PIK3R2: variants seen among roughly 807,000 people sequenced by gnomAD.
PIK3R2 encodes the protein phosphoinositide-3-kinase regulatory subunit 2.
A neutral mutation model predicts 78.5 loss-of-function variants in PIK3R2; 40 were observed. The ratio of observed to expected loss-of-function variants is 0.51; its 90% CI spans 0.40 to 0.66. The LOEUF (loss-of-function observed/expected upper bound fraction) is 0.66. PIK3R2 is among the 30% of genes least tolerant of loss of function. The pLI is 0.00. For synonymous variants in PIK3R2, 473 were observed against 457.7 expected (o/e 1.03, Z -0.43); for missense variants, 880 against 1,026.6 (o/e 0.86, Z 1.95).
rs2300056 is a variant in PIK3R2, at chr19:18,157,272, T to C, written c.322+1071T>C. On this transcript the variant is annotated intron_variant, in intron 2 of 15. Transcript: ENST00000222254. ...TGCCTCGGCCTGAAGGAGCAGGAGG[T>C]GGCCCCGTCTGGGCTCCCAGCCAGA... Among the ~76,000 whole-genome samples, 324 of 152,054 alleles carry C rather than the reference T, an allele frequency of 2.1e-3. 4 individuals are homozygous for C. The East Asian group carries it at 0.023, about 11-fold the overall frequency.
At position 18,169,549 on chromosome 19, in the gene PIK3R2, A is replaced by G. The variant is rs1967131191; in HGVS notation, c.*255A>G. 1 of 321,020 alleles carries G rather than the reference A, an allele frequency of 3.1e-6. No homozygotes were observed. Among genetic ancestry groups the G allele is most frequent in the Non-Finnish European group, 5.7e-6 (1 of 174,784 alleles). 19.9% of individuals were successfully genotyped at this position (321,020 alleles called of 1,614,324 possible). On this transcript the variant is annotated 3_prime_UTR_variant, in exon 16 of 16. Transcript: ENST00000222254. ...TTGGGGGTCCTAACTCCCCCACCCC[A>G]TATCTACGTGTCCTCCGGGCATTGC...
Position 18,156,018 on chromosome 19 carries a change from G to A in PIK3R2, c.139G>A (p.Gly47Ser), listed in dbSNP as rs754393196. 15 of 1,558,384 alleles carry A rather than the reference G, an allele frequency of 9.6e-6. No individual in the cohort carries two copies. In the South Asian group the frequency reaches 1.7e-4, roughly 17 times the overall value. ...GCAGGCGCTGGGCGTGGCCGAGGGTGGCGAGCGCTGCCCACAGAGCGTGGG... is the reference window on the plus strand; with the variant it reads ...GCAGGCGCTGGGCGTGGCCGAGGGTAGCGAGCGCTGCCCACAGAGCGTGGG... ...ALQALGVAEG[G>S]ERCPQSVGWM... Residue 47 changes from glycine (G) to serine (S), a missense_variant, in exon 2 of 16, where the codon GGC becomes AGC. By Grantham distance (56) the Gly-to-Ser change is moderately conservative (BLOSUM62 0). Transcript: ENST00000222254. This position sits in a 1 kb window ranked among gnomAD's most constrained non-coding sequence, Gnocchi z 4.2.
rs764920291 is a variant in PIK3R2, at chr19:18,167,084, C to A, written c.1560-46C>A. On this transcript the variant is annotated intron_variant, in intron 12 of 15. Transcript: ENST00000222254. The surrounding 1 kb of genome is among the most constrained non-coding windows in gnomAD (Gnocchi z 4.5). ...CCAGGAGTTTGAGGGTGCAGTGAGC[C>A]GAGATAAAACCCTGAGGTCTCTGCG... The A allele has an allele frequency of 1.4e-6, 2 of 1,470,192 alleles. No individual in the cohort carries two copies. The highest frequency in any genetic ancestry group is 1.8e-6 in the Non-Finnish European group (2 of 1,105,080). The allele number at this position is 1,470,192 out of a possible 1,614,324, so 91.1% of individuals were successfully genotyped here.
intron 2 of PIK3R2, among the ~76,000 whole-genome samples, chr19:18,157,348 G>A (rs537138130): frequency 6.6e-6 from 1 of 152,246 alleles, no homozygotes; most frequent in Non-Finnish European, 1.5e-5. Flanking sequence ...CCTGGCCTCT[G>A]TCCAGCCACC....
chr19:18,157,791 C>T (rs991479151), intron 2 of PIK3R2, among the ~76,000 whole-genome samples: 6 of 140,836 alleles, frequency 4.3e-5, no homozygotes, highest in Admixed American at 7.6e-5. Flanking sequence ...CAGCTTGAGG[C>T]GCCACCTGGC....
intron 11 of PIK3R2, among the ~76,000 whole-genome samples, chr19:18,165,212 A>C (rs1390639949): frequency 1.0e-5 from 1 of 97,270 alleles, no homozygotes; most frequent in East Asian, 4.6e-4. Flanking sequence ...TACTAAAAAT[A>C]CAAAAAATTA....
At chr19:18,153,788 G>A (rs903685233) in intron 1 of PIK3R2, among the ~76,000 whole-genome samples, 4 of 152,160 alleles carry the variant, frequency 2.6e-5, no homozygotes, top group Non-Finnish European at 5.9e-5. Context: ...TCCCGGATTC[G>A]GGGAGCGCTG....
chr19:18,162,131 G>T, intron 7 of PIK3R2, 71 bp from the exon 8 acceptor site: 1 of 1,489,040 alleles, frequency 6.7e-7, no homozygotes. Flanking sequence ...GCATCAGCAG[G>T]CTGGTTGCAG....
At position 18,155,535 on chromosome 19, in the gene PIK3R2, C is replaced by T. The variant is rs987476751; in HGVS notation, c.-345C>T. 20 of 444,842 alleles carry T rather than the reference C, an allele frequency of 4.5e-5. No individual in the cohort carries two copies. The highest frequency in any genetic ancestry group is 4.1e-4 in the African/African-American group (20 of 48,844). 27.6% of individuals were successfully genotyped at this position (444,842 alleles called of 1,614,324 possible). On this transcript the variant is annotated 5_prime_UTR_variant, in exon 2 of 16. The change creates a premature stop within an existing upstream ORF in the 5' untranslated region. Coordinates refer to ENST00000222254, the MANE Select transcript of PIK3R2 (RefSeq NM_005027.4). ...TGTCTGGTGCAGCCAGCAGAGCCGC[C>T]AGCCTTGGGCGCCCATGGCCCTCCG...
Position 18,161,160 on chromosome 19 carries a change from G to T in PIK3R2, c.573G>T (p.Ser191=). Residue 191 remains serine, a synonymous_variant, in exon 5 of 16, where the codon TCG becomes TCT. Transcript: ENST00000222254. The surrounding 1 kb of genome is among the most constrained non-coding windows in gnomAD (Gnocchi z 5.3). ...LPAPLVTPEA[S]AEARRALREA... is the part of the protein sequence containing the mutation. ...CGCCGCTCGTGACCCCCGAGGCCTC[G>T]GCCGAGGCGCGCCGGGCCCTGCGGG... is the stretch of plus-strand genomic sequence containing the variant. 6.5e-7 allele frequency: 1 copy of T among 1,548,722 alleles called. No individual in the cohort carries two copies. Among genetic ancestry groups the T allele is most frequent in the Non-Finnish European group, 8.7e-7 (1 of 1,146,888 alleles).
intron 12 of PIK3R2, 141 bp from the exon 13 acceptor site, chr19:18,166,989 A>AC: frequency 1.7e-6 from 1 of 604,500 alleles, no homozygotes; most frequent in South Asian, 2.8e-5. Context: ...TTAAAATGTT[A>AC]GCCAGACATG....
Position 18,162,309 on chromosome 19 carries a change from AG to A in PIK3R2, c.1010+1del. On this transcript the variant is annotated frameshift_variant and splice_region_variant, in exon 8 of 16. Coordinates refer to ENST00000222254, the MANE Select transcript of PIK3R2 (RefSeq NM_005027.4). LOFTEE classifies it high-confidence loss of function. ...DAEWYWGDIS[R>X]EEVNEKLRDT... ...TGAGTGGTACTGGGGGGACATTTCA[AG>A]GTAGGTTGCTGGCAGGGGGCCAGGG... The A allele has an allele frequency of 6.2e-7, 1 of 1,603,808 alleles. No individual in the cohort carries two copies. Among genetic ancestry groups the A allele is most frequent in the Non-Finnish European group, 8.5e-7 (1 of 1,171,520 alleles).
intron 2 of PIK3R2, among the ~76,000 whole-genome samples, chr19:18,157,715 C>T (rs1488411823): frequency 2.6e-5 from 4 of 151,328 alleles, no homozygotes; most frequent in African/African-American, 7.3e-5. Flanking sequence ...CCCACCTCCA[C>T]CTCCTCCTTG....
rs1032264924 is a variant in PIK3R2, at chr19:18,168,933, T to C, written c.1979+37T>C. On this transcript the variant is annotated intron_variant, in intron 15 of 15. Coordinates refer to ENST00000222254, the MANE Select transcript of PIK3R2 (RefSeq NM_005027.4). The surrounding 1 kb of genome is among the most constrained non-coding windows in gnomAD (Gnocchi z 4.1). ...GCAGCGGTGGGGATTCCCGCGTCCC[T>C]CCCAGAGCTCTCATTGAATGCCTGC... The C allele has an allele frequency of 1.3e-6, 2 of 1,591,840 alleles. No homozygotes were observed. Among genetic ancestry groups the C allele is most frequent in the Non-Finnish European group, 1.7e-6 (2 of 1,167,788 alleles).
At position 18,162,044 on chromosome 19, in the gene PIK3R2, G is replaced by A. The variant is rs755562367; in HGVS notation, c.894G>A (p.Ala298=). 7 of 1,613,570 alleles carry A rather than the reference G, an allele frequency of 4.3e-6. No individual in the cohort carries two copies. In the East Asian group the frequency reaches 8.9e-5, roughly 21 times the overall value. The change falls in exon 7 of 16, where the codon GCG becomes GCA. Residue 298 remains alanine, a synonymous_variant. Transcript: ENST00000222254. Reference sequence around the variant, plus strand: ...AACACTTGGAAGAGCAGGAGGTTGCGCCCCCAGGTGAGTCCCCTGTATTGC... The same window carrying A: ...AACACTTGGAAGAGCAGGAGGTTGCACCCCCAGGTGAGTCCCCTGTATTGC... ...LQEHLEEQEV[A]PPALPPKPPK...
chr19:18,155,316 G>T (rs1043125259), intron 1 of PIK3R2, 141 bp from the exon 2 acceptor site: 34 of 297,272 alleles, frequency 1.1e-4, no homozygotes, highest in African/African-American at 5.8e-4. Context: ...TTTACAGATA[G>T]AGAAGCTGAG....
intron 11 of PIK3R2, among the ~76,000 whole-genome samples, chr19:18,164,459 T>C (rs1378002877): frequency 6.6e-6 from 1 of 151,766 alleles, no homozygotes; most frequent in Non-Finnish European, 1.5e-5. Flanking sequence ...CTGGGTAACA[T>C]AGCAAGACTT....
chr19:18,154,346 C>A (rs1455962992), intron 1 of PIK3R2, among the ~76,000 whole-genome samples: 1 of 152,124 alleles, frequency 6.6e-6, no homozygotes, highest in East Asian at 1.9e-4. Context: ...CCCACCTTCT[C>A]CTGGCTCCCT....
intron 11 of PIK3R2, among the ~76,000 whole-genome samples, chr19:18,163,661 A>C (rs1253565752): frequency 2.6e-5 from 4 of 152,116 alleles, no homozygotes; most frequent in Admixed American, 6.5e-5. Context: ...CGTCTACAAA[A>C]AAATTTAAAA....
Sources: allele counts gnomAD v4.1 joint callset (sites outside exome capture counted in the v4.1 genomes callset), GRCh38; gene constraint gnomAD v4.1.1; non-coding constraint Gnocchi (gnomAD v3.1); transcripts MANE v1.5; gene names NCBI Gene and HGNC (gene_info 2026-07-23, HGNC 2026-07-21).